Variants in AGBL1 observed in about 807,000 individuals in gnomAD.
AGBL1 encodes cytosolic carboxypeptidase 4.
In AGBL1, 130 loss-of-function variants were observed where a neutral mutation model predicts 118.9. The ratio of observed to expected loss-of-function variants is 1.09; its 90% confidence interval spans 0.95 to 1.26. The LOEUF (loss-of-function observed/expected upper bound fraction) is 1.26. Among genes scored for constraint, AGBL1 ranks in the 50% most tolerant of loss-of-function variants. The probability of loss-of-function intolerance (pLI) is 0.00; values close to 1 mark genes in which losing one functional copy is unlikely to be tolerated. For synonymous variants in AGBL1, 555 were observed against 478.9 expected (o/e 1.16, Z -2.08); for missense variants, 1,584 against 1,298.1 (o/e 1.22, Z -3.38).
intron 23 of AGBL1, among the ~76,000 whole-genome samples, chr15:86,937,795 T>C (rs1056156059): frequency 5.3e-5 from 8 of 152,160 alleles, no homozygotes; most frequent in African/African-American, 1.9e-4. Flanking sequence ...CCTCCAAAAC[T>C]AAAATAAAAG....
intron 18 of AGBL1, among the ~76,000 whole-genome samples, chr15:86,398,588 T>G (rs1312733587): frequency 6.6e-6 from 1 of 151,540 alleles, no homozygotes; most frequent in Admixed American, 6.6e-5. Flanking sequence ...AGAGACAAAA[T>G]GAGAATTATA....
At chr15:87,002,758 CT>C (rs1180088385) in intron 24 of AGBL1, among the ~76,000 whole-genome samples, 5 of 152,146 alleles carry the variant, frequency 3.3e-5, no homozygotes, top group Non-Finnish European at 1.5e-5. Context: ...TGAGAGTTCA[CT>C]CATGATTTGG....
intron 24 of AGBL1, among the ~76,000 whole-genome samples, chr15:87,009,844 T>C (rs1567285305): frequency 1.3e-5 from 2 of 152,252 alleles, no homozygotes; most frequent in African/African-American, 4.8e-5. Flanking sequence ...CCCCTTCATT[T>C]TGGCCAATTT....
intron 14 of AGBL1, 90 bp from the exon 15 acceptor site, chr15:86,271,529 G>A: frequency 1.0e-6 from 1 of 987,176 alleles, no homozygotes; most frequent in South Asian, 1.3e-5. Context: ...AGTTTCCAGG[G>A]ATTAAGACCT....
chr15:86,329,707 T>G (rs1391886857), intron 17 of AGBL1, among the ~76,000 whole-genome samples: 1 of 151,674 alleles, frequency 6.6e-6, no homozygotes, highest in East Asian at 1.9e-4. Flanking sequence ...ATTACACAGA[T>G]TGGCAGCCTG....
intron 14 of AGBL1, among the ~76,000 whole-genome samples, chr15:86,271,364 G>A (rs902501559): frequency 2.0e-5 from 3 of 151,928 alleles, no homozygotes; most frequent in Non-Finnish European, 4.4e-5. Context: ...GCCTGGCCAC[G>A]TTGCATCTCT....
At chr15:86,225,048 T>TC (rs2078339844) in intron 6 of AGBL1, 97 bp downstream of exon 6, 3 of 1,133,704 alleles carry the variant, frequency 2.6e-6, no homozygotes, top group Admixed American at 4.4e-5. Flanking sequence ...TTTTTTTTTT[T>TC]CATGAACTAC....
chr15:86,825,712 CGAGA>C (rs555773278), intron 22 of AGBL1, among the ~76,000 whole-genome samples: 2 of 119,786 alleles, frequency 1.7e-5, no homozygotes, highest in African/African-American at 6.8e-5. Flanking sequence ...AGGGAGAAAG[CGAGA>C]GAGGGAGGGA....
intron 24 of AGBL1, chr15:86,988,540 G>T (rs1316017552): frequency 3.3e-5 from 5 of 152,090 alleles, no homozygotes; most frequent in African/African-American, 1.2e-4. Flanking sequence ...TTTTATAATT[G>T]TGTGGAGACC....
chr15:86,322,242 G>T (rs565673751), intron 17 of AGBL1, among the ~76,000 whole-genome samples: 1 of 151,838 alleles, frequency 6.6e-6, no homozygotes, highest in South Asian at 2.1e-4. Flanking sequence ...GTCTGTTTGA[G>T]AGAATTGTGT....
At chr15:86,818,110 G>GACAC (rs562324741) in intron 22 of AGBL1, among the ~76,000 whole-genome samples, 2 of 150,176 alleles carry the variant, frequency 1.3e-5, no homozygotes, top group Admixed American at 6.6e-5. Context: ...GCGTGTATGT[G>GACAC]ACACACACAC....
intron 21 of AGBL1, among the ~76,000 whole-genome samples, chr15:86,578,642 G>T (rs1288644693): frequency 2.0e-5 from 3 of 152,172 alleles, no homozygotes; most frequent in Non-Finnish European, 4.4e-5. Flanking sequence ...CCAGTGGGAG[G>T]TAATTGAATT....
chr15:86,574,100 G>A (rs190141620), intron 21 of AGBL1, among the ~76,000 whole-genome samples: 9 of 152,334 alleles, frequency 5.9e-5, no homozygotes, highest in Admixed American at 4.6e-4. Context: ...AATGCAGAGT[G>A]TTGCATTGCT....
In AGBL1 at chr15:86,545,989, T is replaced by C; in HGVS notation, c.2686-13T>C. 1 of 1,610,078 alleles carries C rather than the reference T, an allele frequency of 6.2e-7. No homozygotes were observed. The highest frequency in any genetic ancestry group is 1.1e-5 in the South Asian group (1 of 90,948). On this transcript the variant is annotated splice_polypyrimidine_tract_variant and intron_variant, in intron 19 of 22. Coordinates refer to ENST00000614907, the MANE Select transcript of AGBL1 (RefSeq NM_001386094.1). ...GACCTGGTTTTATTTTCTCCTTTGT[T>C]GGGCTATTGTAGGTTTTCTGTGACT...
chr15:87,001,914 C>T (rs1486561010), intron 24 of AGBL1, among the ~76,000 whole-genome samples: 1 of 151,946 alleles, frequency 6.6e-6, no homozygotes, highest in Non-Finnish European at 1.5e-5. Context: ...AAAATTTTCT[C>T]CCATTCTGTA....
At chr15:86,683,800 T>A (rs918161437) in intron 22 of AGBL1, among the ~76,000 whole-genome samples, 8 of 152,196 alleles carry the variant, frequency 5.3e-5, no homozygotes, top group African/African-American at 1.9e-4. Context: ...ATAAAACTTT[T>A]GAAGTTTTCC....
intron 18 of AGBL1, among the ~76,000 whole-genome samples, chr15:86,452,979 C>T (rs1192698033): frequency 6.6e-6 from 1 of 152,194 alleles, no homozygotes; most frequent in African/African-American, 2.4e-5. Flanking sequence ...AAAGTGCTTT[C>T]TACATAGCAC....
chr15:87,008,881 A>C (rs569709041), intron 24 of AGBL1, among the ~76,000 whole-genome samples: 1 of 152,354 alleles, frequency 6.6e-6, no homozygotes, highest in African/African-American at 2.4e-5. Flanking sequence ...GGTATCTGGC[A>C]GAAGAAATTT....
At chr15:86,676,762 A>G (rs2085856270) in intron 22 of AGBL1, among the ~76,000 whole-genome samples, 2 of 152,136 alleles carry the variant, frequency 1.3e-5, no homozygotes, top group South Asian at 4.2e-4. Context: ...GGAATTGTGA[A>G]TAACATTGTG....
Sources: allele counts gnomAD v4.1 joint callset (sites outside exome capture counted in the v4.1 genomes callset), GRCh38; gene constraint gnomAD v4.1.1; transcripts MANE v1.5; gene names NCBI Gene and HGNC (gene_info 2026-07-23, HGNC 2026-07-21).